C2orf76: variants seen among roughly 807,000 people sequenced by gnomAD.
C2orf76 encodes the protein chromosome 2 open reading frame 76.
A neutral mutation model predicts 16.9 loss-of-function variants in C2orf76; 23 were observed. The observed-to-expected ratio is 1.36, with a 90% CI of 0.98 to 1.93. The LOEUF is 1.93. C2orf76 is among the 30% of genes most tolerant of loss of function. The probability of loss-of-function intolerance (pLI) is 0.00; values close to 1 mark genes in which losing one functional copy is unlikely to be tolerated. For missense variants in C2orf76, 152 were observed against 152.6 expected (o/e 1.00, Z 0.02); for synonymous variants, 48 against 52.3 (o/e 0.92, Z 0.35).
chr2:119,311,558 C>G, intron 5 of C2orf76, 64 bp downstream of exon 5: 1 of 1,570,032 alleles, frequency 6.4e-7, no homozygotes, highest in South Asian at 1.2e-5. Context: ...CAAATACCAT[C>G]AGCCAGGCCT....
chr2:119,323,009 T>C (rs766923982), intron 2 of C2orf76, among the ~76,000 whole-genome samples: 1 of 152,104 alleles, frequency 6.6e-6, no homozygotes, highest in Non-Finnish European at 1.5e-5. Context: ...TATCCACGTA[T>C]CTAAATTAGG....
intron 2 of C2orf76, among the ~76,000 whole-genome samples, chr2:119,322,910 G>C (rs901630416): frequency 6.6e-6 from 1 of 152,110 alleles, no homozygotes; most frequent in African/African-American, 2.4e-5. Flanking sequence ...AAGGGTAAAG[G>C]AGACTTTTCA....
chr2:119,334,430 T>C (rs1173770219), intron 2 of C2orf76, among the ~76,000 whole-genome samples: 6 of 134,892 alleles, frequency 4.4e-5, no homozygotes, highest in Admixed American at 3.0e-4. Flanking sequence ...CTCACACCTA[T>C]AATTCCAGCA....
intron 1 of C2orf76, among the ~76,000 whole-genome samples, chr2:119,352,352 G>A (rs930190288): frequency 1.3e-5 from 2 of 152,194 alleles, no homozygotes; most frequent in Non-Finnish European, 2.9e-5. Flanking sequence ...AAAAAGGGAA[G>A]GTTCTAACCA....
chr2:119,293,848 G>C, the C2orf76 span, among the ~76,000 whole-genome samples: 1 of 152,212 alleles, frequency 6.6e-6, no homozygotes, highest in Admixed American at 6.5e-5. Flanking sequence ...CTTCAGTGGA[G>C]AAGACTGAGC....
intron 1 of C2orf76, among the ~76,000 whole-genome samples, chr2:119,363,030 C>G (rs1680793387): frequency 6.6e-6 from 1 of 151,936 alleles, no homozygotes; most frequent in Non-Finnish European, 1.5e-5. Context: ...CTTACCCCAC[C>G]CCCACCAACT....
the C2orf76 span, among the ~76,000 whole-genome samples, chr2:119,296,184 T>C: frequency 5.2e-4 from 79 of 152,314 alleles, 2 homozygotes; most frequent in South Asian, 0.011. Context: ...ATGCATACTG[T>C]GGCTTCACGT....
intron 4 of C2orf76, among the ~76,000 whole-genome samples, chr2:119,314,153 C>A (rs567810358): frequency 6.6e-6 from 1 of 151,442 alleles, no homozygotes; most frequent in East Asian, 1.9e-4. Context: ...CCCTTCTTCA[C>A]GCCAAGATTT....
intron 2 of C2orf76, among the ~76,000 whole-genome samples, chr2:119,327,336 ATTTTTT>A (rs34185420): frequency 1.5e-5 from 1 of 68,690 alleles, no homozygotes; most frequent in Admixed American, 2.3e-4. Context: ...AATTACATGG[ATTTTTT>A]TTTTTTTTTT....
intron 2 of C2orf76, among the ~76,000 whole-genome samples, chr2:119,331,636 A>T (rs890291095): frequency 6.6e-6 from 1 of 152,196 alleles, no homozygotes. Context: ...GGAACCCACC[A>T]GCTTTGCCTG....
At chr2:119,351,630 T>G (rs1418207622) in intron 1 of C2orf76, among the ~76,000 whole-genome samples, 1 of 152,102 alleles carries the variant, frequency 6.6e-6, no homozygotes, top group Non-Finnish European at 1.5e-5. Context: ...AATGTGTGCC[T>G]GTAATCCCAG....
At chr2:119,288,015 G>A in the C2orf76 span, among the ~76,000 whole-genome samples, 1 of 152,114 alleles carries the variant, frequency 6.6e-6, no homozygotes, top group Non-Finnish European at 1.5e-5. Context: ...GGGCAGAGAG[G>A]GGACTGTGAT....
chr2:119,353,591 T>C (rs1573684173), intron 1 of C2orf76, among the ~76,000 whole-genome samples: 1 of 134,792 alleles, frequency 7.4e-6, no homozygotes, highest in Admixed American at 8.2e-5. Context: ...CTCGCTGGAG[T>C]CTTGCTCTGT....
At chr2:119,365,308 A>T (rs1444701183) in intron 1 of C2orf76, among the ~76,000 whole-genome samples, 1 of 152,186 alleles carries the variant, frequency 6.6e-6, no homozygotes, top group East Asian at 1.9e-4. Context: ...CCAGGCCTCA[A>T]ATGGAAAAAG....
downstream of C2orf76, among the ~76,000 whole-genome samples, chr2:119,300,279 C>G (rs2104525352): frequency 6.6e-6 from 1 of 152,318 alleles, no homozygotes; most frequent in African/African-American, 2.4e-5. Context: ...CAAGAACCTC[C>G]CCAATCCTCC....
intron 1 of C2orf76, among the ~76,000 whole-genome samples, chr2:119,364,880 A>T (rs1475066106): frequency 6.6e-6 from 1 of 151,978 alleles, no homozygotes; most frequent in East Asian, 1.9e-4. Context: ...GGAGATCAAG[A>T]CCAACAACAT....
In C2orf76 at chr2:119,360,385, G is replaced by A. The variant is rs1305125385; in HGVS notation, c.-13+6405C>T. Among the ~76,000 whole-genome samples the A allele has an allele frequency of 1.0e-4, 15 of 149,520 alleles. No homozygotes were observed. In the Admixed American group the frequency reaches 1.0e-3, roughly 10 times the overall value. ...CCAGCTATTCAGGAGGCTGGGGCAGGAGAATCGCTTGAACCTGGGAGGCAG... is the reference window on the plus strand; with the variant it reads ...CCAGCTATTCAGGAGGCTGGGGCAGAAGAATCGCTTGAACCTGGGAGGCAG... On this transcript the variant is annotated intron_variant, in intron 1 of 5. Coordinates refer to ENST00000334816, the MANE Select transcript of C2orf76 (RefSeq NM_001322331.2).
rs1678716653 is a variant in C2orf76, at chr2:119,304,561, A to T, written c.305-2013T>A. The stretch of plus-strand genomic sequence containing the variant: ...CAAAATGAGAGTCTGCAGTGTAAAG[A>T]TTTTATTTTCAGATGACTGCACTTG... On this transcript the variant is annotated intron_variant, in intron 5 of 5. Transcript: ENST00000334816. Among the ~76,000 whole-genome samples the T allele has an allele frequency of 2.6e-5, 4 of 152,342 alleles. No individual in the cohort carries two copies. The South Asian group carries it at 8.3e-4, about 32-fold the overall frequency.
intron 2 of C2orf76, among the ~76,000 whole-genome samples, chr2:119,330,353 CAA>C (rs371947780): frequency 6.5e-5 from 9 of 137,546 alleles, no homozygotes; most frequent in Admixed American, 1.5e-4. Flanking sequence ...CTCTCCATCT[CAA>C]AAAAAAAAAA....
Sources: gnomAD v4.1 joint callset for allele counts (sites outside exome capture counted in the v4.1 genomes callset) on GRCh38, gnomAD v4.1.1 for gene constraint, MANE v1.5 for transcripts, NCBI Gene and HGNC (gene_info 2026-07-23, HGNC 2026-07-21) for gene names.